Variants in PIK3C2G observed in about 807,000 individuals in gnomAD.
PIK3C2G encodes phosphatidylinositol-4-phosphate 3-kinase catalytic subunit type 2 gamma, also known as phosphatidylinositol 3-kinase C2 domain-containing subunit gamma.
Under a neutral mutation model 181.1 loss-of-function variants are expected in PIK3C2G, and 168 were observed. The observed-to-expected ratio is 0.93, with a 90% CI of 0.82 to 1.05. PIK3C2G has a LOEUF of 1.05. Among genes scored for constraint, PIK3C2G ranks in the 50% least tolerant of loss-of-function variants. PIK3C2G has a pLI of 0.00. For synonymous variants in PIK3C2G, 573 were observed against 592.2 expected, an observed-to-expected ratio of 0.97 and a Z score of 0.47; for missense variants, 1,869 against 1,732.8, an observed-to-expected ratio of 1.08 and a Z score of -1.40.
At chr12:18,440,881 C>A (rs751228645) in intron 18 of PIK3C2G, among the ~76,000 whole-genome samples, 1 of 152,044 alleles carries the variant, frequency 6.6e-6, no homozygotes, top group South Asian at 2.1e-4. Flanking sequence ...AACTATTGAA[C>A]ATTTTCATCT....
the PIK3C2G span, among the ~76,000 whole-genome samples, chr12:18,675,657 A>G: frequency 6.6e-6 from 1 of 152,070 alleles, no homozygotes; most frequent in Non-Finnish European, 1.5e-5. Context: ...ATAAAATGTG[A>G]TATATATATC....
At position 18,303,134 on chromosome 12, in the gene PIK3C2G, CTTTCT is replaced by C. The variant is rs771262653; in HGVS notation, c.1034+9132_1034+9136del. Among the ~76,000 whole-genome samples, 600 of 142,732 alleles carry C rather than the reference CTTTCT, an allele frequency of 4.2e-3. 7 individuals are homozygous for C. The highest frequency in any genetic ancestry group is 0.011 in the East Asian group (55 of 4,978). 93.6% of individuals were successfully genotyped at this position (142,732 alleles called of 152,430 possible). ...TCTTTCCTTCTTTCTTTCTTTCTTT[CTTTCT>C]TTTCTTTTCTTTCTTCTTTCTCTTT... On this transcript the variant is annotated intron_variant, in intron 5 of 32. Coordinates refer to ENST00000538779, the MANE Select transcript of PIK3C2G (RefSeq NM_001288772.2).
intron 6 of PIK3C2G, among the ~76,000 whole-genome samples, chr12:18,320,306 T>A (rs1951050055): frequency 6.6e-6 from 1 of 152,110 alleles, no homozygotes; most frequent in East Asian, 1.9e-4. Context: ...GGAGAGCTGG[T>A]CAAGAAGTTA....
chr12:18,376,843 C>G (rs1942477600), intron 13 of PIK3C2G, among the ~76,000 whole-genome samples: 1 of 152,178 alleles, frequency 6.6e-6, no homozygotes, highest in South Asian at 2.1e-4. Context: ...TGTGAGACAC[C>G]TGCTCACCCT....
At chr12:18,487,727 G>A (rs1265335726) in intron 18 of PIK3C2G, among the ~76,000 whole-genome samples, 1 of 152,140 alleles carries the variant, frequency 6.6e-6, no homozygotes, top group African/African-American at 2.4e-5. Flanking sequence ...GACAGAAGCT[G>A]ACTTGGGAAG....
the PIK3C2G span, among the ~76,000 whole-genome samples, chr12:18,687,354 C>A: frequency 6.6e-6 from 1 of 152,114 alleles, no homozygotes; most frequent in Non-Finnish European, 1.5e-5. Context: ...ATGAAGTCCA[C>A]TTTGCTTTGA....
intron 1 of PIK3C2G, among the ~76,000 whole-genome samples, chr12:18,277,814 T>G (rs1040193003): frequency 6.6e-6 from 1 of 152,158 alleles, no homozygotes; most frequent in Non-Finnish European, 1.5e-5. Context: ...CTTTTTCTGA[T>G]AGGTGTCGAA....
chr12:18,686,620 A>T, the PIK3C2G span, among the ~76,000 whole-genome samples: 3 of 152,036 alleles, frequency 2.0e-5, no homozygotes, highest in African/African-American at 7.2e-5. Flanking sequence ...AATTCTACTC[A>T]TTCTCCAAGA....
At chr12:18,414,191 T>C (rs1163668313) in intron 16 of PIK3C2G, among the ~76,000 whole-genome samples, 2 of 152,160 alleles carry the variant, frequency 1.3e-5, no homozygotes, top group Non-Finnish European at 2.9e-5. Context: ...GGCATATGAT[T>C]TGAAGCTTTT....
At chr12:18,402,221 A>G (rs571311431) in intron 16 of PIK3C2G, among the ~76,000 whole-genome samples, 1 of 152,316 alleles carries the variant, frequency 6.6e-6, no homozygotes, top group Non-Finnish European at 1.5e-5. Context: ...GATATATGCT[A>G]CAACATGGAA....
At position 18,563,377 on chromosome 12, in the gene PIK3C2G, C is replaced by T; in HGVS notation, c.3781C>T (p.Leu1261=). The T allele has an allele frequency of 6.2e-7, 1 of 1,609,282 alleles. No homozygotes were observed. Among genetic ancestry groups the T allele is most frequent in the Non-Finnish European group, 8.5e-7 (1 of 1,177,294 alleles). Residue 1261 remains leucine (L), a splice_region_variant and synonymous_variant, in exon 28 of 33, where the codon CTG becomes TTG. Coordinates refer to ENST00000538779, the MANE Select transcript of PIK3C2G (RefSeq NM_001288772.2). ...ILGFSKKSSN[L]YLIQVTHSNN... is the part of the protein sequence containing the mutation. ...ATTTCTATCTATTTACTTTCTGCAGCTGTATCTGATCCAGGTGACACACAG... is the reference window on the plus strand; with the variant it reads ...ATTTCTATCTATTTACTTTCTGCAGTTGTATCTGATCCAGGTGACACACAG...
At chr12:18,281,146 G>A (rs1294118147) in intron 1 of PIK3C2G, among the ~76,000 whole-genome samples, 3 of 151,538 alleles carry the variant, frequency 2.0e-5, no homozygotes, top group Non-Finnish European at 2.9e-5. Flanking sequence ...CAAGGTTAAA[G>A]TCATTGACAA....
chr12:18,259,596 T>C (rs1025346678), upstream of PIK3C2G, among the ~76,000 whole-genome samples: 1 of 152,102 alleles, frequency 6.6e-6, no homozygotes, highest in African/African-American at 2.4e-5. Context: ...AGGTTATATA[T>C]AATTTGACAT....
At chr12:18,376,297 T>G (rs1942434466) in intron 13 of PIK3C2G, among the ~76,000 whole-genome samples, 1 of 152,200 alleles carries the variant, frequency 6.6e-6, no homozygotes, top group Non-Finnish European at 1.5e-5. Flanking sequence ...AAGGGTTATT[T>G]TGGAGCATTA....
At chr12:18,646,365 G>A (rs926302025) in intron 32 of PIK3C2G, among the ~76,000 whole-genome samples, 20 of 152,186 alleles carry the variant, frequency 1.3e-4, no homozygotes, top group Admixed American at 1.3e-3. Context: ...AATTCTGGAA[G>A]AAGAGGTAGC....
chr12:18,281,307 C>T (rs1447255080), intron 1 of PIK3C2G, among the ~76,000 whole-genome samples: 1 of 108,882 alleles, frequency 9.2e-6, no homozygotes, highest in African/African-American at 3.1e-5. Context: ...TGAGAAAGAG[C>T]AAACACAGAA....
chr12:18,546,246 A>G (rs1455871912), intron 25 of PIK3C2G, 77 bp from the exon 26 acceptor site: 1 of 883,990 alleles, frequency 1.1e-6, no homozygotes, highest in African/African-American at 1.7e-5. Context: ...CTCTGGGTAG[A>G]ATTAATCAAG....
At chr12:18,651,489 A>G (rs933599982), downstream of PIK3C2G, among the ~76,000 whole-genome samples, 1 of 152,190 alleles carries the variant, frequency 6.6e-6, no homozygotes, top group African/African-American at 2.4e-5. Context: ...GCAATTAGCC[A>G]TAAGACTATC....
chr12:18,354,712 G>C (rs890009239), intron 11 of PIK3C2G, among the ~76,000 whole-genome samples: 1 of 152,192 alleles, frequency 6.6e-6, no homozygotes, highest in Non-Finnish European at 1.5e-5. Context: ...GATTTGGAGG[G>C]TCAAAGCAGT....
Sources: allele counts gnomAD v4.1 joint callset (sites outside exome capture counted in the v4.1 genomes callset), GRCh38; gene constraint gnomAD v4.1.1; transcripts MANE v1.5; gene names NCBI Gene and HGNC (gene_info 2026-07-23, HGNC 2026-07-21).